The following RAB3IP variants were observed in gnomAD, a reference collection of about 807,000 sequenced individuals.
The protein encoded by RAB3IP is RAB3A interacting protein, also known as rab-3A-interacting protein.
RAB3IP carries 36 observed loss-of-function variants against 59.1 expected under a neutral mutation model. The observed-to-expected ratio is 0.61, with a 90% confidence interval of 0.47 to 0.80. The LOEUF is 0.80. Among genes scored for constraint, RAB3IP ranks in the 30% least tolerant of loss-of-function variants. RAB3IP has a pLI of 0.00. For missense variants in RAB3IP, 511 were observed against 536.0 expected (o/e 0.95, Z 0.46); for synonymous variants, 207 against 191.2 (o/e 1.08, Z -0.68).
intron 1 of RAB3IP, among the ~76,000 whole-genome samples, chr12:69,749,625 T>G (rs74101319): frequency 0.021 from 3,256 of 152,352 alleles, 121 homozygotes; most frequent in African/African-American, 0.074. Flanking sequence ...GCGTTTTGTA[T>G]AAATGCTTTG....
chr12:69,815,557 C>T lies in RAB3IP; in HGVS notation c.*111C>T. 5.3e-6 allele frequency: 4 copies of T among 754,234 alleles called. No homozygotes were observed. The highest frequency in any genetic ancestry group is 6.6e-6 in the Non-Finnish European group (3 of 451,220). The allele number at this position is 754,234 out of a possible 1,614,324, so 46.7% of individuals were successfully genotyped here. A position where few individuals can be genotyped will look rare whatever the true frequency, so the allele number is the denominator to read the frequency against. ...GGAGTGAGCCTAAGACTTTTTTCCC[C>T]TTTTGCAAATTGCTCTAAGAAGTAC... On this transcript the variant is annotated 3_prime_UTR_variant, in exon 11 of 11. Coordinates refer to ENST00000247833, the MANE Select transcript of RAB3IP (RefSeq NM_022456.5).
chr12:69,796,909 T>C (rs1391916411), intron 6 of RAB3IP, among the ~76,000 whole-genome samples: 9 of 152,258 alleles, frequency 5.9e-5, no homozygotes, highest in Admixed American at 5.9e-4. Context: ...AGATTCATTT[T>C]TAGTTTTTGA....
chr12:69,747,616 T>C (rs1868542403), intron 1 of RAB3IP, among the ~76,000 whole-genome samples: 1 of 152,224 alleles, frequency 6.6e-6, no homozygotes, highest in Non-Finnish European at 1.5e-5. Context: ...TCTCCATTTT[T>C]AGATGAGAAA....
chr12:69,741,571 A>C (rs904052484), intron 1 of RAB3IP, among the ~76,000 whole-genome samples: 4 of 152,248 alleles, frequency 2.6e-5, no homozygotes, highest in East Asian at 1.9e-4. Flanking sequence ...TCTAGTGCTT[A>C]TCAAGCGAAG....
chr12:69,760,410 A>C (rs1366762699), intron 3 of RAB3IP, among the ~76,000 whole-genome samples: 1 of 152,024 alleles, frequency 6.6e-6, no homozygotes, highest in African/African-American at 2.4e-5. Flanking sequence ...AGGGAGAGGG[A>C]GACTGTGGGG....
intron 1 of RAB3IP, among the ~76,000 whole-genome samples, chr12:69,748,101 CTA>C (rs1420970619): frequency 2.2e-5 from 3 of 135,554 alleles, no homozygotes; most frequent in East Asian, 2.2e-4. Flanking sequence ...AATTAAAATT[CTA>C]TGTTTCCCAT....
chr12:69,755,224 A>G (rs1869997367), intron 1 of RAB3IP, among the ~76,000 whole-genome samples, 160 bp from the exon 2 acceptor site: 1 of 152,154 alleles, frequency 6.6e-6, no homozygotes, highest in African/African-American at 2.4e-5. Flanking sequence ...TACTACAGGC[A>G]TATACCACCA....
chr12:69,765,542 G>A (rs1043977699), intron 3 of RAB3IP, among the ~76,000 whole-genome samples: 3 of 152,146 alleles, frequency 2.0e-5, no homozygotes, highest in African/African-American at 7.2e-5. Context: ...CAGTTTGGTA[G>A]TATTTTGTTG....
intron 3 of RAB3IP, among the ~76,000 whole-genome samples, chr12:69,758,755 C>CTTTT (rs1870640848): frequency 1.3e-4 from 6 of 46,054 alleles, no homozygotes; most frequent in Non-Finnish European, 2.2e-4. Flanking sequence ...TGTGTTCATT[C>CTTTT]CTTTTTTTTT....
intron 8 of RAB3IP, among the ~76,000 whole-genome samples, chr12:69,809,795 A>G (rs1242844313): frequency 6.6e-6 from 1 of 152,156 alleles, no homozygotes; most frequent in East Asian, 1.9e-4. Flanking sequence ...CTAGTTATCC[A>G]TTCGTCTAAT....
At chr12:69,806,117 C>T (rs1488919225) in intron 8 of RAB3IP, among the ~76,000 whole-genome samples, 1 of 152,168 alleles carries the variant, frequency 6.6e-6, no homozygotes, top group Non-Finnish European at 1.5e-5. Context: ...GCTGTGAATC[C>T]ATCTGGTCTG....
chr12:69,741,533 C>A (rs1306539598), intron 1 of RAB3IP, among the ~76,000 whole-genome samples: 1 of 152,158 alleles, frequency 6.6e-6, no homozygotes. Context: ...ACGGTGATAC[C>A]AGCATTGCTA....
chr12:69,772,650 G>GA (rs1873332405), intron 3 of RAB3IP, among the ~76,000 whole-genome samples: 1 of 152,070 alleles, frequency 6.6e-6, no homozygotes, highest in Non-Finnish European at 1.5e-5. Flanking sequence ...ACTTAATTTT[G>GA]ATCTCAAAGA....
At chr12:69,754,745 A>G (rs1869916484) in intron 1 of RAB3IP, among the ~76,000 whole-genome samples, 1 of 152,226 alleles carries the variant, frequency 6.6e-6, no homozygotes, top group Non-Finnish European at 1.5e-5. Context: ...GATAAATACA[A>G]TGTTCTCTGT....
rs1342923081 is a variant in RAB3IP at position 69,821,671 on chromosome 12, C to T, written c.*6225C>T. On this transcript the variant is annotated 3_prime_UTR_variant, in exon 11 of 11. Coordinates refer to ENST00000247833, the MANE Select transcript of RAB3IP (RefSeq NM_022456.5). ...TGCCAGCATTTAAAAATGAGGAAATCTAAAATCTGCATTTCAAGCTGCTCT... is the reference window on the plus strand; with the variant it reads ...TGCCAGCATTTAAAAATGAGGAAATTTAAAATCTGCATTTCAAGCTGCTCT... 6.6e-6 allele frequency: 1 copy of T among 152,188 alleles called. No individual in the cohort carries two copies. Among genetic ancestry groups the T allele is most frequent in the African/African-American group, 2.4e-5 (1 of 41,438 alleles). The allele number at this position is 152,188 out of a possible 1,614,324, so 9.4% of individuals were successfully genotyped here.
chr12:69,762,789 GAA>G (rs1293804726), intron 3 of RAB3IP, among the ~76,000 whole-genome samples: 1 of 141,816 alleles, frequency 7.1e-6, no homozygotes, highest in African/African-American at 2.7e-5. Flanking sequence ...AGAAAAAAGA[GAA>G]AAAGAGAAAA....
At chr12:69,759,275 C>T (rs1308878770) in intron 3 of RAB3IP, among the ~76,000 whole-genome samples, 5 of 149,596 alleles carry the variant, frequency 3.3e-5, no homozygotes, top group Non-Finnish European at 7.4e-5. Flanking sequence ...GGACACAGCA[C>T]ATGTTTCAGA....
At chr12:69,747,502 A>G (rs185978502) in intron 1 of RAB3IP, among the ~76,000 whole-genome samples, 3 of 152,278 alleles carry the variant, frequency 2.0e-5, no homozygotes, top group African/African-American at 2.4e-5. Flanking sequence ...GGGTCTCGCT[A>G]TGTTGCTTTT....
rs1263939461 is a variant in RAB3IP, at chr12:69,759,703, C to T, written c.510+3040C>T. 1.4e-3 allele frequency among the ~76,000 whole-genome samples: 214 copies of T among 148,934 alleles called. 1 individual carries two copies. Among genetic ancestry groups the T allele is most frequent in the African/African-American group, 4.5e-3 (179 of 40,176 alleles). ...GGGCGGCTGGCCGGGCAGGGGCTGA[C>T]CCCCCACCTCCCTCCCGGACGGGGC... On this transcript the variant is annotated intron_variant, in intron 3 of 10. Coordinates refer to ENST00000247833, the MANE Select transcript of RAB3IP (RefSeq NM_022456.5).
Sources: allele counts gnomAD v4.1 joint callset (sites outside exome capture counted in the v4.1 genomes callset), GRCh38; gene constraint gnomAD v4.1.1; transcripts MANE v1.5; gene names NCBI Gene and HGNC (gene_info 2026-07-23, HGNC 2026-07-21).